Variants in ARHGEF19 observed in about 807,000 individuals in gnomAD.
ARHGEF19 encodes the protein Rho guanine nucleotide exchange factor 19.
A neutral mutation model predicts 87.6 loss-of-function variants in ARHGEF19; 92 were observed. That is an observed-to-expected ratio of 1.05 (90% CI 0.89 to 1.25). The LOEUF is 1.25. ARHGEF19 is among the 50% of genes most tolerant of loss of function. ARHGEF19 has a pLI of 0.00. For synonymous variants in ARHGEF19, 438 were observed against 446.2 expected (o/e 0.98, Z 0.23); for missense variants, 1,054 against 1,051.8 (o/e 1.00, Z -0.03).
rs1177514152 is a variant in ARHGEF19, at chr1:16,206,690, C to G, written c.1137+258G>C. 1.9e-6 allele frequency: 1 copy of G among 516,962 alleles called. No homozygotes were observed. The highest frequency in any genetic ancestry group is 3.3e-6 in the Non-Finnish European group (1 of 298,554). The allele number at this position is 516,962 out of a possible 1,614,324, so 32.0% of individuals were successfully genotyped here. A position where few individuals can be genotyped will look rare whatever the true frequency, so the allele number is the denominator to read the frequency against. On this transcript the variant is annotated intron_variant, in intron 6 of 15. Coordinates refer to ENST00000270747, the MANE Select transcript of ARHGEF19 (RefSeq NM_153213.5). This position sits in a 1 kb window ranked among gnomAD's most constrained non-coding sequence, Gnocchi z 4.6. ...CGCTCCTCATCCGGCCCTGTCCTAT[C>G]CTAGGTTTCGTCCCGCTGGCTCCGC...
Position 16,208,761 on chromosome 1 carries a change from C to T in ARHGEF19, c.294G>A (p.Arg98=), listed in dbSNP as rs1272149544. ...EITSGGMRPS[R]AGSWPHCPGA... ...CAGGACAGTGTGGCCAGCTGCCAGC[C>T]CTGCTGGGCCGCATCCCCCCGCTGG... The change falls in exon 2 of 16, where the codon AGG becomes AGA. Residue 98 remains arginine, a synonymous_variant. Coordinates refer to ENST00000270747, the MANE Select transcript of ARHGEF19 (RefSeq NM_153213.5). The T allele has an allele frequency of 6.2e-7, 1 of 1,612,644 alleles. No individual in the cohort carries two copies. Among genetic ancestry groups the T allele is most frequent in the East Asian group, 2.2e-5 (1 of 44,842 alleles).
At chr1:16,201,068 G>A (rs1019294282) in intron 14 of ARHGEF19, among the ~76,000 whole-genome samples, 4 of 151,922 alleles carry the variant, frequency 2.6e-5, no homozygotes, top group African/African-American at 9.7e-5. Flanking sequence ...AAAAATAGAG[G>A]TGTGGTATCC....
intron 14 of ARHGEF19, among the ~76,000 whole-genome samples, chr1:16,201,558 A>G (rs1166916683): frequency 6.6e-6 from 1 of 152,206 alleles, no homozygotes; most frequent in Non-Finnish European, 1.5e-5. Context: ...ATGGGAGGCT[A>G]CGAAGGCTTT....
Position 16,201,781 on chromosome 1 carries a change from C to A in ARHGEF19, c.2146+1G>T. On this transcript the variant is annotated splice_donor_variant, in intron 14 of 15. Transcript: ENST00000270747. LOFTEE classifies it high-confidence loss of function. ...TGTAAGCAGCAGGGATGAGCTACTACCTTCCCCCTCACTGATGACCTCCTT... is the reference window on the plus strand; with the variant it reads ...TGTAAGCAGCAGGGATGAGCTACTAACTTCCCCCTCACTGATGACCTCCTT... The A allele has an allele frequency of 6.2e-7, 1 of 1,613,496 alleles. No individual in the cohort carries two copies. Among genetic ancestry groups the A allele is most frequent in the Non-Finnish European group, 8.5e-7 (1 of 1,179,660 alleles).
chr1:16,204,882 C>T lies in ARHGEF19; in HGVS notation c.1784G>A (p.Arg595Gln), dbSNP rs751574270. The T allele has an allele frequency of 1.0e-5, 16 of 1,603,296 alleles. No individual in the cohort carries two copies. The highest frequency in any genetic ancestry group is 4.5e-5 in the South Asian group (4 of 89,074). The change falls in exon 12 of 16, where the codon CGG becomes CAG. Residue 595 changes from arginine (R) to glutamine (Q), a missense_variant. Coordinates refer to ENST00000270747, the MANE Select transcript of ARHGEF19 (RefSeq NM_153213.5). ...PLISQARWLV[R>Q]HGELVELAPL... is the part of the protein sequence containing the mutation. ...TGCCAGCTCTACCAACTCTCCATGC[C>T]GAACCAGCCAGCGGGCCTGAGAGAT...
rs567128145 is a variant in ARHGEF19 at position 16,198,232 on chromosome 1, G to A, written c.*355C>T. 2 of 187,554 alleles carry A rather than the reference G, an allele frequency of 1.1e-5. No individual in the cohort carries two copies. The highest frequency in any genetic ancestry group is 2.2e-5 in the Non-Finnish European group (2 of 91,826). 11.6% of individuals were successfully genotyped at this position (187,554 alleles called of 1,614,324 possible). A position where few individuals can be genotyped will look rare whatever the true frequency, so the allele number is the denominator to read the frequency against. Reference sequence around the variant, plus strand: ...ATACATATAGGTCCCAGCACCATCAGCACCAGAACGTTCCCCAGCCAGGTC... The same window carrying A: ...ATACATATAGGTCCCAGCACCATCAACACCAGAACGTTCCCCAGCCAGGTC... On this transcript the variant is annotated 3_prime_UTR_variant, in exon 16 of 16. Transcript: ENST00000270747. This position sits in a 1 kb window ranked among gnomAD's most constrained non-coding sequence, Gnocchi z 4.1.
Position 16,207,896 on chromosome 1 carries a change from C to T in ARHGEF19, c.694+48G>A. ...TGAGTGGGCATCGCCCACCCCCACC[C>T]CCACCCGGCATCTGGCTGCCCTCAG... On this transcript the variant is annotated intron_variant, in intron 3 of 15. Coordinates refer to ENST00000270747, the MANE Select transcript of ARHGEF19 (RefSeq NM_153213.5). The surrounding 1 kb of genome is among the most constrained non-coding windows in gnomAD (Gnocchi z 4.0). 2 of 1,557,146 alleles carry T rather than the reference C, an allele frequency of 1.3e-6. No homozygotes were observed. The highest frequency in any genetic ancestry group is 1.7e-6 in the Non-Finnish European group (2 of 1,144,772).
intron 1 of ARHGEF19, among the ~76,000 whole-genome samples, chr1:16,211,996 C>T (rs2081201982): frequency 6.6e-6 from 1 of 152,222 alleles, no homozygotes; most frequent in Non-Finnish European, 1.5e-5. Flanking sequence ...CCCTTGGCCT[C>T]AGTATTCCCA....
intron 2 of ARHGEF19, 141 bp from the exon 3 acceptor site, chr1:16,208,366 TC>T: frequency 2.6e-6 from 3 of 1,163,634 alleles, no homozygotes; most frequent in Non-Finnish European, 3.5e-6. Context: ...TAGCATCTGG[TC>T]CCCAGAGCCC....
Position 16,206,064 on chromosome 1 carries a change from G to A in ARHGEF19, c.1318C>T (p.Gln440Ter), listed in dbSNP as rs1223212015. 1 of 1,582,914 alleles carries A rather than the reference G, an allele frequency of 6.3e-7. No homozygotes were observed. Among genetic ancestry groups the A allele is most frequent in the Non-Finnish European group, 8.6e-7 (1 of 1,164,274 alleles). The part of the protein sequence containing the change: ...TSERFLQDLE[Q>*]RLEADVLRFS... ...CGCAGCACATCTGCCTCCAGCCGCT[G>A]CTCCAGGTCCTGCAGGAACCTGAGG... The change falls in exon 8 of 16, where the codon CAG (glutamine) becomes TAG (stop). Residue 440 changes from glutamine (Q) to a stop codon, truncating the protein, a stop_gained. Transcript: ENST00000270747. LOFTEE classifies it high-confidence loss of function. This position sits in a 1 kb window ranked among gnomAD's most constrained non-coding sequence, Gnocchi z 4.6.
In ARHGEF19 at chr1:16,198,782, G is replaced by A. The variant is rs774584919; in HGVS notation, c.2252-38C>T. On this transcript the variant is annotated intron_variant, in intron 15 of 15. Coordinates refer to ENST00000270747, the MANE Select transcript of ARHGEF19 (RefSeq NM_153213.5). The surrounding 1 kb of genome is among the most constrained non-coding windows in gnomAD (Gnocchi z 4.1). ...AGGCCAAGAACAACAGCATCAAAGG[G>A]GTACCAGGGCCAGGCCTGGAAGGGA... 11 of 1,557,674 alleles carry A rather than the reference G, an allele frequency of 7.1e-6. No homozygotes were observed. Among genetic ancestry groups the A allele is most frequent in the Non-Finnish European group, 9.6e-6 (11 of 1,149,012 alleles).
At position 16,205,072 on chromosome 1, in the gene ARHGEF19, G is replaced by T. The variant is rs1384135520; in HGVS notation, c.1746+15C>A. 1 of 1,593,096 alleles carries T rather than the reference G, an allele frequency of 6.3e-7. No individual in the cohort carries two copies. The highest frequency in any genetic ancestry group is 2.3e-5 in the East Asian group (1 of 43,934). On this transcript the variant is annotated intron_variant, in intron 11 of 15. Transcript: ENST00000270747. This position sits in a 1 kb window ranked among gnomAD's most constrained non-coding sequence, Gnocchi z 5.8. ...GCCCCTTGGGGTCCCCATCCCGCTG[G>T]CTGCAGACACACACCTTGCCCTCAA... is the stretch of plus-strand genomic sequence containing the variant.
Position 16,207,048 on chromosome 1 carries a change from G to A in ARHGEF19, c.1037C>T (p.Ser346Leu). The A allele has an allele frequency of 2.0e-6, 3 of 1,508,042 alleles. No homozygotes were observed. Among genetic ancestry groups the A allele is most frequent in the Non-Finnish European group, 8.8e-7 (1 of 1,131,160 alleles). 93.4% of individuals were successfully genotyped at this position (1,508,042 alleles called of 1,614,324 possible). A position where few individuals can be genotyped will look rare whatever the true frequency, so the allele number is the denominator to read the frequency against. The change falls in exon 6 of 16, where the codon TCG becomes TTG. Residue 346 changes from serine to leucine, a missense_variant. By Grantham distance (145) the Ser-to-Leu change is moderately radical. Transcript: ENST00000270747. The surrounding 1 kb of genome is among the most constrained non-coding windows in gnomAD (Gnocchi z 4.0). Reference sequence around the variant, plus strand: ...CAGCGAGAAGGTGGAGCCTCGCGCCGAGCGCTGCGCCCGGAAGGAGCTGCT... The same window carrying A: ...CAGCGAGAAGGTGGAGCCTCGCGCCAAGCGCTGCGCCCGGAAGGAGCTGCT... ...SPSSSFRAQRSARGSTFSLWQ... is the reference protein window; with the variant it reads ...SPSSSFRAQRLARGSTFSLWQ...
Position 16,205,427 on chromosome 1 carries a change from T to C in ARHGEF19, c.1582-2A>G. On this transcript the variant is annotated splice_acceptor_variant, in intron 9 of 15. Coordinates refer to ENST00000270747, the MANE Select transcript of ARHGEF19 (RefSeq NM_153213.5). LOFTEE classifies it high-confidence loss of function. This position sits in a 1 kb window ranked among gnomAD's most constrained non-coding sequence, Gnocchi z 5.8. ...CTGTGCTGTCCGCTTCAGGATGTTC[T>C]GGAAGGTGGGATCAGCACAATGAGG... 2 of 1,610,930 alleles carry C rather than the reference T, an allele frequency of 1.2e-6. No homozygotes were observed. The highest frequency in any genetic ancestry group is 1.1e-5 in the South Asian group (1 of 90,954).
Position 16,204,808 on chromosome 1 carries a change from C to A in ARHGEF19, c.1858G>T (p.Val620Phe), listed in dbSNP as rs1222300710. 1 of 1,613,016 alleles carries A rather than the reference C, an allele frequency of 6.2e-7. No individual in the cohort carries two copies. Among genetic ancestry groups the A allele is most frequent in the South Asian group, 1.1e-5 (1 of 90,776 alleles). ...PAKLKLSSKA[V>F]YLHLFNDCLL... ...CAGTCATTGAAGAGGTGGAGGTAGA[C>A]TGCCTTGCTGGACAGCTTCAGCTTG... Residue 620 changes from valine to phenylalanine, a missense_variant, in exon 12 of 16, where the codon GTC becomes TTC. Val to Phe is a conservative substitution (Grantham distance 50, BLOSUM62 -1). Coordinates refer to ENST00000270747, the MANE Select transcript of ARHGEF19 (RefSeq NM_153213.5).
At chr1:16,201,887 C>T in intron 13 of ARHGEF19, 26 bp from the exon 14 acceptor site, 1 of 1,610,728 alleles carries the variant, frequency 6.2e-7, no homozygotes, top group South Asian at 1.1e-5. Flanking sequence ...GCTAAGTTGT[C>T]ACAATATGCA....
Position 16,201,863 on chromosome 1 carries a change from T to G in ARHGEF19, c.2067-2A>C. On this transcript the variant is annotated splice_acceptor_variant, in intron 13 of 15. Transcript: ENST00000270747. LOFTEE classifies it high-confidence loss of function. ...GAGATCCATCGCTGCTTCTCACTTC[T>G]AGGGAAGGGGGAGGCTAAGTTGTCA... 7 of 1,613,582 alleles carry G rather than the reference T, an allele frequency of 4.3e-6. No individual in the cohort carries two copies. The highest frequency in any genetic ancestry group is 5.9e-6 in the Non-Finnish European group (7 of 1,179,798).
chr1:16,202,503 A>G lies in ARHGEF19; in HGVS notation c.1979T>C (p.Leu660Pro), dbSNP rs1553142741. Residue 660 changes from leucine to proline, a missense_variant, in exon 13 of 16, where the codon CTG becomes CCG. Leu to Pro is a moderately conservative substitution (Grantham distance 98). Transcript: ENST00000270747. Reference sequence around the variant, plus strand: ...GAACACGTGGCCGGGGATGCCCTGCAGCTTCAGGCTCAGGTCCCGCACCTG... The same window carrying G: ...GAACACGTGGCCGGGGATGCCCTGCGGCTTCAGGCTCAGGTCCCGCACCTG... ...ELQVRDLSLK[L>P]QGIPGHVFLL... is the part of the protein sequence containing the mutation. The G allele has an allele frequency of 1.2e-6, 2 of 1,614,086 alleles. No individual in the cohort carries two copies. Among genetic ancestry groups the G allele is most frequent in the Non-Finnish European group, 1.7e-6 (2 of 1,180,038 alleles).
chr1:16,205,299 G>A lies in ARHGEF19; in HGVS notation c.1656+52C>T. 2 of 1,611,932 alleles carry A rather than the reference G, an allele frequency of 1.2e-6. No individual in the cohort carries two copies. The highest frequency in any genetic ancestry group is 2.2e-5 in the South Asian group (2 of 90,970). ...GGGGGCTGTTTTAGAGACGTGCTGG[G>A]GGTCCAGGGGGGGCCTCAGGAGCCA... is the stretch of plus-strand genomic sequence containing the variant. On this transcript the variant is annotated intron_variant, in intron 10 of 15. Coordinates refer to ENST00000270747, the MANE Select transcript of ARHGEF19 (RefSeq NM_153213.5). This position sits in a 1 kb window ranked among gnomAD's most constrained non-coding sequence, Gnocchi z 5.8.
Sources: allele counts gnomAD v4.1 joint callset (sites outside exome capture counted in the v4.1 genomes callset), GRCh38; gene constraint gnomAD v4.1.1; non-coding constraint Gnocchi (gnomAD v3.1); transcripts MANE v1.5; gene names NCBI Gene and HGNC (gene_info 2026-07-23, HGNC 2026-07-21).